WDR1: variants seen among roughly 807,000 people sequenced by gnomAD.
The protein encoded by WDR1 is WD repeat-containing protein 1.
WDR1 carries 21 observed loss-of-function variants against 71.9 expected under a neutral mutation model. That is an observed-to-expected ratio of 0.29 (90% CI 0.21 to 0.42). WDR1 has a LOEUF of 0.42. Ranked by LOEUF, WDR1 falls within the 10% of genes least tolerant of loss-of-function variation. WDR1 has a pLI of 1.00. For missense variants in WDR1, 696 were observed against 824.5 expected (o/e 0.84, Z 1.91); for synonymous variants, 424 against 347.4 (o/e 1.22, Z -2.45).
intron 5 of WDR1, among the ~76,000 whole-genome samples, chr4:10,091,054 C>A (rs952582875): frequency 1.3e-4 from 20 of 152,250 alleles, no homozygotes; most frequent in African/African-American, 4.6e-4. Flanking sequence ...GCCCCCCGCA[C>A]CTGGGTGCTG....
intron 2 of WDR1, among the ~76,000 whole-genome samples, chr4:10,114,455 C>T (rs1713583861): frequency 6.6e-6 from 1 of 152,086 alleles, no homozygotes; most frequent in Admixed American, 6.5e-5. Flanking sequence ...GAAAGAGATG[C>T]TACAGTTTAA....
rs1427644662 is a variant in WDR1, at chr4:10,087,850, T to C, written c.808A>G (p.Ser270Gly). The C allele has an allele frequency of 3.2e-6, 5 of 1,575,070 alleles. No homozygotes were observed. The highest frequency in any genetic ancestry group is 4.3e-6 in the Non-Finnish European group (5 of 1,159,540). The change falls in exon 8 of 15, where the codon AGC becomes GGC. Residue 270 changes from serine (S) to glycine (G), a missense_variant. Transcript: ENST00000499869. ...IWDVSVNSVVSTFPMGSTVLD... is the reference protein window; with the variant it reads ...IWDVSVNSVVGTFPMGSTVLD... ...ACCGTGGAGCCCATGGGAAATGTGCTGACCACGGAGTTCACGCTGACGTCC... is the reference window on the plus strand; with the variant it reads ...ACCGTGGAGCCCATGGGAAATGTGCCGACCACGGAGTTCACGCTGACGTCC...
chr4:10,112,854 G>T (rs1016935403), intron 2 of WDR1, among the ~76,000 whole-genome samples: 1 of 152,236 alleles, frequency 6.6e-6, no homozygotes, highest in Non-Finnish European at 1.5e-5. Context: ...GGCAGTGACT[G>T]AAAGAGAGGG....
intron 2 of WDR1, among the ~76,000 whole-genome samples, chr4:10,108,777 C>T (rs994647103): frequency 6.6e-6 from 1 of 152,186 alleles, no homozygotes; most frequent in Non-Finnish European, 1.5e-5. Context: ...CTTTTAAGGC[C>T]CAGGCAAAGG....
rs545122794 is a variant in WDR1 at position 10,092,098 on chromosome 4, C to G, written c.559-3357G>C. 9.2e-5 allele frequency: 14 copies of G among 152,428 alleles called. No homozygotes were observed. The East Asian group carries it at 2.5e-3, about 27-fold the overall frequency. The allele number at this position is 152,428 out of a possible 1,614,324, so 9.4% of individuals were successfully genotyped here. On this transcript the variant is annotated intron_variant, in intron 5 of 14. Transcript: ENST00000499869. Reference sequence around the variant, plus strand: ...CCTTGGCCAGCACAGCCTCGCCTTGCCGCTGACTTCGCACTGGCTCCTCCA... The same window carrying G: ...CCTTGGCCAGCACAGCCTCGCCTTGGCGCTGACTTCGCACTGGCTCCTCCA...
intron 2 of WDR1, 175 bp downstream of exon 2, chr4:10,115,938 G>C (rs1713690918): frequency 2.6e-6 from 2 of 773,258 alleles, no homozygotes; most frequent in Non-Finnish European, 2.1e-6. Flanking sequence ...CAAGGACCTG[G>C]GTGAATCTGA....
chr4:10,087,831 G>C lies in WDR1; in HGVS notation c.827C>G (p.Ser276Cys), dbSNP rs561132283. 1.0e-5 allele frequency: 16 copies of C among 1,581,290 alleles called. No homozygotes were observed. The South Asian group carries it at 1.7e-4, about 17-fold the overall frequency. The change falls in exon 8 of 15, where the codon TCC becomes TGC. Residue 276 changes from serine (S) to cysteine (C), a missense_variant. Ser to Cys is a moderately radical substitution (Grantham distance 112). Coordinates refer to ENST00000499869, the MANE Select transcript of WDR1 (RefSeq NM_017491.5). The stretch of plus-strand genomic sequence containing the variant: ...GCCCAGCTGCTGGTCCAGAACCGTG[G>C]AGCCCATGGGAAATGTGCTGACCAC... The part of the protein sequence containing the change: ...NSVVSTFPMG[S>C]TVLDQQLGCL...
At chr4:10,095,206 C>T (rs1424551965) in intron 5 of WDR1, among the ~76,000 whole-genome samples, 1 of 152,222 alleles carries the variant, frequency 6.6e-6, no homozygotes, top group Non-Finnish European at 1.5e-5. Context: ...CAAAGGCAGC[C>T]CAGACTCAGC....
chr4:10,078,001 C>G (rs1296600447), intron 12 of WDR1, 75 bp from the exon 13 acceptor site: 4 of 1,458,028 alleles, frequency 2.7e-6, no homozygotes, highest in Non-Finnish European at 3.7e-6. Flanking sequence ...AAGGGGGGGT[C>G]GAGGGCTTAA....
At position 10,116,773 on chromosome 4, in the gene WDR1, C is replaced by A; in HGVS notation, c.-107G>T. ...GAGCCCGGGGACTGGAGCCGGAAGGCGGCACCGGGCGTGCCGGGAGTGGAG... is the reference window on the plus strand; with the variant it reads ...GAGCCCGGGGACTGGAGCCGGAAGGAGGCACCGGGCGTGCCGGGAGTGGAG... On this transcript the variant is annotated 5_prime_UTR_variant, in exon 1 of 15. Transcript: ENST00000499869. The A allele has an allele frequency of 1.6e-6, 2 of 1,213,934 alleles. No individual in the cohort carries two copies. The allele number at this position is 1,213,934 out of a possible 1,614,324, so 75.2% of individuals were successfully genotyped here. A position where few individuals can be genotyped will look rare whatever the true frequency, so the allele number is the denominator to read the frequency against.
intron 3 of WDR1, among the ~76,000 whole-genome samples, chr4:10,102,145 C>A (rs938830157): frequency 2.0e-5 from 3 of 152,188 alleles, no homozygotes; most frequent in Admixed American, 2.0e-4. Flanking sequence ...TGACAGGTAA[C>A]GGGTCACCCA....
intron 2 of WDR1, among the ~76,000 whole-genome samples, chr4:10,114,553 G>A (rs896743975): frequency 2.0e-5 from 3 of 152,260 alleles, no homozygotes; most frequent in African/African-American, 7.2e-5. Flanking sequence ...GACAGGGAAG[G>A]CCTGGTTAGG....
chr4:10,110,425 G>C (rs928111717), intron 2 of WDR1, among the ~76,000 whole-genome samples: 3 of 152,192 alleles, frequency 2.0e-5, no homozygotes, highest in Non-Finnish European at 4.4e-5. Flanking sequence ...GATGGCTTCA[G>C]TATCCCTCCC....
chr4:10,099,304 G>A (rs184481934), intron 3 of WDR1, among the ~76,000 whole-genome samples, 165 bp from the exon 4 acceptor site: 7 of 152,320 alleles, frequency 4.6e-5, no homozygotes, highest in African/African-American at 9.6e-5. Context: ...TGAAGAGAAC[G>A]TGTCTTAGGG....
At chr4:10,084,887 C>A (rs549718564) in intron 8 of WDR1, among the ~76,000 whole-genome samples, 65 of 152,350 alleles carry the variant, frequency 4.3e-4, no homozygotes, top group South Asian at 1.4e-3. Context: ...GACCAGCACC[C>A]GTCGCGGGGA....
At chr4:10,091,199 T>C (rs1222067461) in intron 5 of WDR1, among the ~76,000 whole-genome samples, 1 of 152,258 alleles carries the variant, frequency 6.6e-6, no homozygotes, top group Non-Finnish European at 1.5e-5. Context: ...GAGGTCACCC[T>C]TCCTTGTGTT....
At chr4:10,103,085 A>T (rs540735306) in intron 3 of WDR1, among the ~76,000 whole-genome samples, 1 of 152,300 alleles carries the variant, frequency 6.6e-6, no homozygotes, top group South Asian at 2.1e-4. Flanking sequence ...TCAAGAGGAA[A>T]GATCTCTCCA....
chr4:10,085,349 G>A lies in WDR1; in HGVS notation c.952-819C>T, dbSNP rs570483504. The stretch of plus-strand genomic sequence containing the variant: ...ATCTTTGGATGCAGGTCTCCTTGGA[G>A]ACAGGTACACAGTTACCAGTGGGAC... On this transcript the variant is annotated intron_variant, in intron 8 of 14. Coordinates refer to ENST00000499869, the MANE Select transcript of WDR1 (RefSeq NM_017491.5). Among the ~76,000 whole-genome samples, 4 of 152,360 alleles carry A rather than the reference G, an allele frequency of 2.6e-5. No individual in the cohort carries two copies. The South Asian group carries it at 8.3e-4, about 32-fold the overall frequency.
chr4:10,113,191 A>G lies in WDR1; in HGVS notation c.138+2922T>C, dbSNP rs541449087. On this transcript the variant is annotated intron_variant, in intron 2 of 14. Coordinates refer to ENST00000499869, the MANE Select transcript of WDR1 (RefSeq NM_017491.5). ...CTGGCCAACACGGCGAAACCCCGTT[A>G]CCTACTAAAAAATACAAAAATTAGC... is the stretch of plus-strand genomic sequence containing the variant. Among the ~76,000 whole-genome samples the G allele has an allele frequency of 3.3e-5, 5 of 152,250 alleles. No homozygotes were observed. In the East Asian group the frequency reaches 5.8e-4, roughly 18 times the overall value.
Sources: allele counts gnomAD v4.1 joint callset (sites outside exome capture counted in the v4.1 genomes callset), GRCh38; gene constraint gnomAD v4.1.1; transcripts MANE v1.5; gene names NCBI Gene and HGNC (gene_info 2026-07-23, HGNC 2026-07-21).